The following DGKB variants were observed in gnomAD, a reference collection of about 807,000 sequenced individuals.
The protein encoded by DGKB is diacylglycerol kinase beta, also known as 90 kDa diacylglycerol kinase.
In DGKB, 67 loss-of-function variants were observed where a neutral mutation model predicts 114.3. That is an observed-to-expected ratio of 0.59 (90% CI 0.48 to 0.72). The LOEUF (loss-of-function observed/expected upper bound fraction) is 0.72. Among genes scored for constraint, DGKB ranks in the 30% least tolerant of loss-of-function variants. The probability of loss-of-function intolerance (pLI) is 0.00; values close to 1 mark genes in which losing one functional copy is unlikely to be tolerated. For missense variants in DGKB, 907 were observed against 975.2 expected (o/e 0.93, Z 0.93); for synonymous variants, 398 against 323.1 (o/e 1.23, Z -2.49).
At chr7:14,950,760 T>C (rs962513798) in intron 1 of DGKB, among the ~76,000 whole-genome samples, 32 of 152,080 alleles carry the variant, frequency 2.1e-4, no homozygotes, top group South Asian at 1.5e-3. Context: ...CAGGATTGCA[T>C]TGATAACAAA....
Position 14,514,484 on chromosome 7 carries a change from C to G in DGKB, c.1771-36259G>C, listed in dbSNP as rs549788397. Among the ~76,000 whole-genome samples, 14 of 152,118 alleles carry G rather than the reference C, an allele frequency of 9.2e-5. No homozygotes were observed. In the South Asian group the frequency reaches 2.9e-3, roughly 32 times the overall value. ...TTTTCAGCTTTTACTTTTACTTGCA[C>G]CCAATAGAATTTTATTGTAACTGCA... On this transcript the variant is annotated intron_variant, in intron 20 of 25. Transcript: ENST00000402815.
intron 1 of DGKB, among the ~76,000 whole-genome samples, chr7:14,913,430 T>C (rs1784089951): frequency 1.3e-5 from 2 of 150,588 alleles, no homozygotes; most frequent in South Asian, 4.3e-4. Flanking sequence ...TGTATCCTAA[T>C]CATCATAATA....
chr7:14,724,759 T>A (rs1357872), intron 5 of DGKB, among the ~76,000 whole-genome samples: 65,097 of 152,068 alleles, frequency 0.43, 15,523 homozygotes, highest in East Asian at 0.88. Flanking sequence ...CTGTTCGTGA[T>A]CATATACCAG....
chr7:14,476,485 T>C lies in DGKB; in HGVS notation c.1835+1676A>G, dbSNP rs111982460. 1.6e-3 allele frequency among the ~76,000 whole-genome samples: 242 copies of C among 152,198 alleles called. 2 individuals are homozygous for C. The highest frequency in any genetic ancestry group is 5.7e-3 in the African/African-American group (235 of 41,564). On this transcript the variant is annotated intron_variant, in intron 21 of 25. Transcript: ENST00000402815. ...CTGGAGAAAAATTCAAACAGTACAA[T>C]AAAGAAAAATACAGTTGTCACCACA...
chr7:14,827,246 G>A (rs1414477848), intron 2 of DGKB, among the ~76,000 whole-genome samples: 1 of 152,092 alleles, frequency 6.6e-6, no homozygotes, highest in Non-Finnish European at 1.5e-5. Flanking sequence ...AAAACATTGT[G>A]TGAACTAATA....
rs1554469760 is a variant in DGKB, at chr7:14,488,848, A to AAAAAC, written c.1771-10624_1771-10623insGTTTT. Among the ~76,000 whole-genome samples the AAAAAC allele has an allele frequency of 1.3e-3, 188 of 146,552 alleles. 2 individuals carry two copies. The highest frequency in any genetic ancestry group is 4.0e-3 in the East Asian group (20 of 5,012). On this transcript the variant is annotated intron_variant, in intron 20 of 25. Coordinates refer to ENST00000402815, the MANE Select transcript of DGKB (RefSeq NM_001350709.2). ...CTCCGTCTCCAAAAAAAAACAAAAAAAAACAAAAAAAACCCAACAACAACA... is the reference window on the plus strand; with the variant it reads ...CTCCGTCTCCAAAAAAAAACAAAAAAAAAACAAACAAAAAAAACCCAACAACAACA...
At chr7:14,580,980 G>T in intron 18 of DGKB, 29 bp from the exon 19 acceptor site, 1 of 1,514,362 alleles carries the variant, frequency 6.6e-7, no homozygotes, top group Non-Finnish European at 9.0e-7. Context: ...TACAAATAAA[G>T]AAAATTTTAA....
intron 23 of DGKB, among the ~76,000 whole-genome samples, chr7:14,337,317 TAC>T (rs1362183984): frequency 6.6e-6 from 1 of 152,246 alleles, no homozygotes; most frequent in Middle Eastern, 3.4e-3. Flanking sequence ...CATATTTTCA[TAC>T]AGTTATATTT....
chr7:14,943,597 T>C (rs2128255946), intron 1 of DGKB, among the ~76,000 whole-genome samples: 1 of 151,746 alleles, frequency 6.6e-6, no homozygotes, highest in Admixed American at 6.6e-5. Flanking sequence ...AGACATTTGT[T>C]ATAAAGAAAT....
Position 14,718,586 on chromosome 7 carries a change from T to G in DGKB, c.422A>C (p.Tyr141Ser). The G allele has an allele frequency of 1.2e-6, 2 of 1,613,114 alleles. No homozygotes were observed. Among genetic ancestry groups the G allele is most frequent in the Non-Finnish European group, 1.7e-6 (2 of 1,179,486 alleles). The stretch of plus-strand genomic sequence containing the variant: ...TCTTCCTCTTTCAAGCAGAGACAGG[T>G]AACAGACAATGTCCTTCAGATGGAT... Reference protein sequence around the residue: ...EVIHLKDIVCYLSLLERGRPE... With the variant: ...EVIHLKDIVCSLSLLERGRPE... The change falls in exon 6 of 26, where the codon TAC becomes TCC. Residue 141 changes from tyrosine (Y) to serine (S), a missense_variant. Physicochemically the swap from Tyr to Ser is moderately radical, Grantham distance 144. This residue lies in a region of DGKB where 814 missense variants were observed against 856.6 expected (regional missense o/e 0.95). Transcript: ENST00000402815.
intron 23 of DGKB, among the ~76,000 whole-genome samples, chr7:14,277,490 G>A (rs1207933093): frequency 6.6e-6 from 1 of 152,196 alleles, no homozygotes; most frequent in Non-Finnish European, 1.5e-5. Context: ...AACTTTTTTA[G>A]ATTCCACATA....
chr7:14,422,808 T>C (rs985555976), intron 21 of DGKB, among the ~76,000 whole-genome samples: 2 of 152,096 alleles, frequency 1.3e-5, no homozygotes, highest in Admixed American at 6.6e-5. Context: ...ATAATAGTAG[T>C]AGTAATAAGA....
chr7:14,502,924 A>C lies in DGKB; in HGVS notation c.1771-24699T>G, dbSNP rs1234572445. ...ACTCCTCTCATCTTCAACACTTTCC[A>C]ATCTTCCCCTAAAGGATCAGTTTAC... On this transcript the variant is annotated intron_variant, in intron 20 of 25. Transcript: ENST00000402815. Among the ~76,000 whole-genome samples the C allele has an allele frequency of 2.0e-5, 3 of 151,954 alleles. No individual in the cohort carries two copies. In the East Asian group the frequency reaches 5.8e-4, roughly 29 times the overall value.
Position 14,697,956 on chromosome 7 carries a change from AGAAG to A in DGKB, c.591+135_591+138del, listed in dbSNP as rs1202666045. 5 of 604,120 alleles carry A rather than the reference AGAAG, an allele frequency of 8.3e-6. No homozygotes were observed. In the African/African-American group the frequency reaches 8.5e-5, roughly 10 times the overall value. The allele number at this position is 604,120 out of a possible 1,614,324, so 37.4% of individuals were successfully genotyped here. A position where few individuals can be genotyped will look rare whatever the true frequency, so the allele number is the denominator to read the frequency against. On this transcript the variant is annotated intron_variant, in intron 8 of 25. Transcript: ENST00000402815. ...GAGGGAGAGAAACAGAAAGGGAGAT[AGAAG>A]GAAGGAAAGAAAGAAAGAAAGAGAG... is the stretch of plus-strand genomic sequence containing the variant.
rs908395617 is a variant in DGKB, at chr7:14,146,477, T to C, written c.*2654A>G. 3 of 152,200 alleles carry C rather than the reference T, an allele frequency of 2.0e-5. No homozygotes were observed. The highest frequency in any genetic ancestry group is 4.4e-5 in the Non-Finnish European group (3 of 68,036). The allele number at this position is 152,200 out of a possible 1,614,324, so 9.4% of individuals were successfully genotyped here. On this transcript the variant is annotated 3_prime_UTR_variant, in exon 26 of 26. Transcript: ENST00000402815. Reference sequence around the variant, plus strand: ...ATAGCTGAAAATTTATCTGCACACATAGAAGAGAAGTTTCCATCTTGTAAA... The same window carrying C: ...ATAGCTGAAAATTTATCTGCACACACAGAAGAGAAGTTTCCATCTTGTAAA...
intron 25 of DGKB, among the ~76,000 whole-genome samples, chr7:14,163,179 G>T (rs1399736331): frequency 6.6e-6 from 1 of 152,102 alleles, no homozygotes; most frequent in Non-Finnish European, 1.5e-5. Context: ...ATTAGTAGGT[G>T]CAATGGTTTT....
chr7:14,858,739 A>T (rs1850540265), intron 1 of DGKB, among the ~76,000 whole-genome samples: 1 of 152,166 alleles, frequency 6.6e-6, no homozygotes, highest in Admixed American at 6.6e-5. Flanking sequence ...TATGAGTAGG[A>T]GCTTTAGGTA....
chr7:14,877,951 T>A (rs1853564462), intron 1 of DGKB, among the ~76,000 whole-genome samples: 1 of 152,154 alleles, frequency 6.6e-6, no homozygotes, highest in Non-Finnish European at 1.5e-5. Context: ...TTTTTATGTA[T>A]TTGTTCAAAT....
At chr7:14,779,714 TAAA>T (rs1838782114) in intron 2 of DGKB, among the ~76,000 whole-genome samples, 1 of 152,218 alleles carries the variant, frequency 6.6e-6, no homozygotes, top group Non-Finnish European at 1.5e-5. Flanking sequence ...TTTCCTGCTA[TAAA>T]AGGTGAGAAA....
Sources: allele counts gnomAD v4.1 joint callset (sites outside exome capture counted in the v4.1 genomes callset), GRCh38; gene constraint gnomAD v4.1.1; regional missense constraint gnomAD v4.1.1; transcripts MANE v1.5; gene names NCBI Gene and HGNC (gene_info 2026-07-23, HGNC 2026-07-21).